PDSS2: variants seen among roughly 807,000 people sequenced by gnomAD.
PDSS2 encodes all trans-polyprenyl-diphosphate synthase PDSS2.
In PDSS2, 31 loss-of-function variants were observed where a neutral mutation model predicts 44.5. The observed-to-expected ratio is 0.70, with a 90% CI of 0.52 to 0.94. The LOEUF (loss-of-function observed/expected upper bound fraction) is 0.94. Ranked by LOEUF, PDSS2 falls within the 40% of genes least tolerant of loss-of-function variation. The pLI, the probability that PDSS2 is intolerant of heterozygous loss-of-function variation, is 0.00. For missense variants in PDSS2, 452 were observed against 482.2 expected (o/e 0.94, Z 0.59); for synonymous variants, 157 against 180.3 (o/e 0.87, Z 1.03).
intron 7 of PDSS2, among the ~76,000 whole-genome samples, chr6:107,157,278 C>T (rs886930373): frequency 4.0e-5 from 6 of 149,704 alleles, no homozygotes; most frequent in African/African-American, 7.3e-5. Flanking sequence ...TCCAGTTCCC[C>T]GGCTCAAGTG....
At chr6:107,214,129 A>T (rs566950591) in intron 4 of PDSS2, among the ~76,000 whole-genome samples, 203 of 147,486 alleles carry the variant, frequency 1.4e-3, no homozygotes, top group African/African-American at 4.9e-3. Context: ...TTTGAGATGG[A>T]GTCTCTCTGT....
chr6:107,313,443 C>G lies in PDSS2; in HGVS notation c.431+20755G>C, dbSNP rs1001623405. Among the ~76,000 whole-genome samples, 3 of 152,146 alleles carry G rather than the reference C, an allele frequency of 2.0e-5. No homozygotes were observed. The South Asian group carries it at 6.2e-4, about 32-fold the overall frequency. On this transcript the variant is annotated intron_variant, in intron 2 of 7. Coordinates refer to ENST00000369037, the MANE Select transcript of PDSS2 (RefSeq NM_020381.4). ...TCTCGGCTCACTGCAACCTCTGCCT[C>G]CTAGATTCAAGCAATTCTCCTGCCT...
At chr6:107,278,079 G>A (rs984341674) in intron 2 of PDSS2, among the ~76,000 whole-genome samples, 24 of 151,584 alleles carry the variant, frequency 1.6e-4, no homozygotes, top group African/African-American at 5.8e-4. Flanking sequence ...ATCACATAAA[G>A]ATACAATTAA....
chr6:107,334,048 A>T, intron 2 of PDSS2, 150 bp downstream of exon 2: 7 of 738,648 alleles, frequency 9.5e-6, no homozygotes, highest in Non-Finnish European at 1.6e-5. Context: ...ACTATCACTT[A>T]TTATGAACAA....
chr6:107,423,900 G>C (rs1780904218), intron 1 of PDSS2, among the ~76,000 whole-genome samples: 2 of 152,036 alleles, frequency 1.3e-5, no homozygotes. Flanking sequence ...ATTTCCAGCA[G>C]CTTCTTAAAA....
At chr6:107,359,810 C>T (rs554281556) in intron 1 of PDSS2, among the ~76,000 whole-genome samples, 3 of 151,944 alleles carry the variant, frequency 2.0e-5, no homozygotes, top group African/African-American at 4.8e-5. Flanking sequence ...GTCCTGGAGG[C>T]GGGGGGCGGT....
At chr6:107,178,123 AT>A (rs1771857302) in intron 7 of PDSS2, among the ~76,000 whole-genome samples, 1 of 152,182 alleles carries the variant, frequency 6.6e-6, no homozygotes, top group South Asian at 2.1e-4. Context: ...GTGATCCTAG[AT>A]TCCTAGCATC....
intron 4 of PDSS2, among the ~76,000 whole-genome samples, chr6:107,212,752 T>C (rs1773264299): frequency 6.6e-6 from 1 of 150,434 alleles, no homozygotes; most frequent in South Asian, 2.1e-4. Context: ...ATGCCTATAG[T>C]CCAAGCACTT....
At chr6:107,206,093 A>T (rs1772965606) in intron 6 of PDSS2, among the ~76,000 whole-genome samples, 1 of 151,936 alleles carries the variant, frequency 6.6e-6, no homozygotes, top group Non-Finnish European at 1.5e-5. Flanking sequence ...TTTGCGGGGG[A>T]CAGAATCTCA....
intron 2 of PDSS2, among the ~76,000 whole-genome samples, chr6:107,296,041 G>A (rs1277956055): frequency 6.6e-6 from 1 of 152,152 alleles, no homozygotes; most frequent in Non-Finnish European, 1.5e-5. Context: ...GCTGGGTCGT[G>A]GTTCACCTGG....
At chr6:107,262,743 G>C (rs1201216235) in intron 3 of PDSS2, among the ~76,000 whole-genome samples, 1 of 151,938 alleles carries the variant, frequency 6.6e-6, no homozygotes, top group Admixed American at 6.6e-5. Flanking sequence ...CTGCACTTCA[G>C]CCTGGGTGAC....
intron 2 of PDSS2, among the ~76,000 whole-genome samples, chr6:107,305,721 T>C (rs558855434): frequency 6.6e-6 from 1 of 152,204 alleles, no homozygotes; most frequent in Non-Finnish European, 1.5e-5. Context: ...TGTCTTCTTT[T>C]TTTTGCTTTT....
chr6:107,420,264 G>A (rs769426648), intron 1 of PDSS2, among the ~76,000 whole-genome samples: 7 of 152,086 alleles, frequency 4.6e-5, no homozygotes, highest in African/African-American at 7.2e-5. Flanking sequence ...ATAAAGTACC[G>A]TCACCTTCTT....
intron 3 of PDSS2, among the ~76,000 whole-genome samples, chr6:107,261,696 G>A (rs1269914390): frequency 4.0e-5 from 6 of 148,696 alleles, no homozygotes; most frequent in Non-Finnish European, 7.4e-5. Flanking sequence ...TCCTGCCTCC[G>A]CCTCCCGAGT....
chr6:107,253,622 G>A (rs1192684274), intron 3 of PDSS2, among the ~76,000 whole-genome samples: 1 of 152,138 alleles, frequency 6.6e-6, no homozygotes, highest in Non-Finnish European at 1.5e-5. Context: ...TAAGTCCTAT[G>A]ATTAGAAATA....
intron 4 of PDSS2, among the ~76,000 whole-genome samples, chr6:107,225,151 A>ATTTATT (rs1773756751): frequency 1.9e-5 from 1 of 51,446 alleles, no homozygotes; most frequent in African/African-American, 1.5e-4. Context: ...ATATATATAT[A>ATTTATT]TATATATATA....
intron 1 of PDSS2, among the ~76,000 whole-genome samples, chr6:107,444,211 T>A (rs1035114613): frequency 2.0e-5 from 3 of 151,912 alleles, no homozygotes; most frequent in African/African-American, 4.8e-5. Context: ...ATTTTTTTTT[T>A]ATATAGATGG....
chr6:107,302,437 C>G (rs950613677), intron 2 of PDSS2, among the ~76,000 whole-genome samples: 2 of 136,676 alleles, frequency 1.5e-5, no homozygotes, highest in Non-Finnish European at 3.5e-5. Context: ...TCATGCCTGG[C>G]TAATTTTTTT....
rs1391570485 is a variant in PDSS2 at position 107,259,565 on chromosome 6, C to T, written c.631-13946G>A. On this transcript the variant is annotated intron_variant, in intron 3 of 7. Coordinates refer to ENST00000369037, the MANE Select transcript of PDSS2 (RefSeq NM_020381.4). Reference sequence around the variant, plus strand: ...TGGCACATGCTTGTAATCCCCGCTACTTGGGAGGCTGAGGCAGAAGAATCT... The same window carrying T: ...TGGCACATGCTTGTAATCCCCGCTATTTGGGAGGCTGAGGCAGAAGAATCT... 2.0e-5 allele frequency among the ~76,000 whole-genome samples: 3 copies of T among 152,032 alleles called. No homozygotes were observed. The East Asian group carries it at 5.8e-4, about 29-fold the overall frequency.
Sources: allele counts gnomAD v4.1 joint callset (sites outside exome capture counted in the v4.1 genomes callset), GRCh38; gene constraint gnomAD v4.1.1; transcripts MANE v1.5; gene names NCBI Gene and HGNC (gene_info 2026-07-23, HGNC 2026-07-21).